The following LMNTD1 variants were observed in gnomAD, a reference collection of about 807,000 sequenced individuals.
LMNTD1 encodes lamin tail domain containing 1.
In LMNTD1, 35 loss-of-function variants were observed where a neutral mutation model predicts 50.9. That is an observed-to-expected ratio of 0.69 (90% CI 0.53 to 0.91). The LOEUF (loss-of-function observed/expected upper bound fraction) is 0.91. Ranked by LOEUF, LMNTD1 falls within the 40% of genes least tolerant of loss-of-function variation. The pLI is 0.00. For synonymous variants in LMNTD1, 153 were observed against 161.9 expected, an observed-to-expected ratio of 0.94 and a Z score of 0.42; for missense variants, 470 against 475.5, an observed-to-expected ratio of 0.99 and a Z score of 0.11.
At chr12:25,646,547 G>C (rs879821232) in intron 1 of LMNTD1, among the ~76,000 whole-genome samples, 1 of 152,088 alleles carries the variant, frequency 6.6e-6, no homozygotes, top group Admixed American at 6.5e-5. Flanking sequence ...TGGGTCAAGA[G>C]GGGTGATGTC....
intron 4 of LMNTD1, among the ~76,000 whole-genome samples, chr12:25,536,321 G>T (rs1316435477): frequency 1.3e-5 from 2 of 152,014 alleles, no homozygotes; most frequent in Non-Finnish European, 2.9e-5. Flanking sequence ...TAATATCCTG[G>T]CTATAAAAGA....
intron 1 of LMNTD1, among the ~76,000 whole-genome samples, chr12:25,623,566 A>C (rs1946523113): frequency 6.7e-6 from 1 of 150,270 alleles, no homozygotes; most frequent in African/African-American, 2.4e-5. Context: ...AAAAAAAAAA[A>C]AAAAAAAAAA....
At chr12:25,606,673 G>A (rs1468799671) in intron 1 of LMNTD1, among the ~76,000 whole-genome samples, 1 of 152,172 alleles carries the variant, frequency 6.6e-6, no homozygotes, top group Non-Finnish European at 1.5e-5. Context: ...TGCATCCCAG[G>A]AATGAAGCCC....
At chr12:25,515,373 C>T (rs560427740) in intron 8 of LMNTD1, among the ~76,000 whole-genome samples, 26 of 152,018 alleles carry the variant, frequency 1.7e-4, no homozygotes, top group African/African-American at 4.8e-5. Context: ...CCCCAAATTA[C>T]AGTAAGTCAA....
chr12:25,600,722 G>A (rs562013547), intron 1 of LMNTD1, among the ~76,000 whole-genome samples: 2 of 152,084 alleles, frequency 1.3e-5, no homozygotes, highest in Admixed American at 6.6e-5. Flanking sequence ...GCTCATCAGA[G>A]GAATGAAAAT....
chr12:25,607,849 T>C (rs1415342764), intron 1 of LMNTD1, among the ~76,000 whole-genome samples: 2 of 152,220 alleles, frequency 1.3e-5, no homozygotes, highest in African/African-American at 4.8e-5. Flanking sequence ...GTCTATTAGG[T>C]CCACTTGGTG....
chr12:25,603,323 G>A (rs1395047658), intron 1 of LMNTD1, among the ~76,000 whole-genome samples: 1 of 152,040 alleles, frequency 6.6e-6, no homozygotes, highest in Non-Finnish European at 1.5e-5. Context: ...GGATCTCACT[G>A]TGTTGCCCAG....
chr12:25,635,579 C>G (rs1946814404), intron 1 of LMNTD1, among the ~76,000 whole-genome samples: 1 of 152,106 alleles, frequency 6.6e-6, no homozygotes, highest in Non-Finnish European at 1.5e-5. Context: ...TCTACAAATT[C>G]AAGGCAATTC....
intron 8 of LMNTD1, among the ~76,000 whole-genome samples, chr12:25,515,408 T>C (rs181001439): frequency 6.6e-6 from 1 of 151,976 alleles, no homozygotes; most frequent in Non-Finnish European, 1.5e-5. Flanking sequence ...TTTAGCATGA[T>C]GCCATTTATG....
intron 1 of LMNTD1, among the ~76,000 whole-genome samples, chr12:25,619,700 A>G (rs766780888): frequency 1.2e-4 from 18 of 152,224 alleles, no homozygotes; most frequent in Non-Finnish European, 2.4e-4. Context: ...CTCCGTGGGC[A>G]GGACGGCAGG....
chr12:25,528,328 C>T (rs1046605697), intron 4 of LMNTD1, among the ~76,000 whole-genome samples: 3 of 152,136 alleles, frequency 2.0e-5, no homozygotes, highest in African/African-American at 7.2e-5. Context: ...CAAGGTCACT[C>T]AATAAATGTT....
chr12:25,546,003 TA>T lies in LMNTD1; in HGVS notation c.491+370del, dbSNP rs368933342. 7.2e-3 allele frequency among the ~76,000 whole-genome samples: 1,087 copies of T among 151,816 alleles called. 3 individuals are homozygous for T. Among genetic ancestry groups the T allele is most frequent in the Admixed American group, 0.011 (170 of 15,236 alleles). ...CAGTCATAAAAATGGATCAATGAAGTAAAAATTTATCTTTCTCCTTCTGTCT... is the reference window on the plus strand; with the variant it reads ...CAGTCATAAAAATGGATCAATGAAGTAAAATTTATCTTTCTCCTTCTGTCT... On this transcript the variant is annotated intron_variant, in intron 4 of 9. Transcript: ENST00000458174.
intron 1 of LMNTD1, among the ~76,000 whole-genome samples, chr12:25,594,303 C>A (rs1945786177): frequency 6.6e-6 from 1 of 152,146 alleles, no homozygotes; most frequent in Non-Finnish European, 1.5e-5. Context: ...ATCTTAAGAG[C>A]TGTGAGGCAA....
At chr12:25,542,015 C>A (rs1591966652) in intron 4 of LMNTD1, among the ~76,000 whole-genome samples, 1 of 151,976 alleles carries the variant, frequency 6.6e-6, no homozygotes, top group Admixed American at 6.6e-5. Context: ...ATCAAAACCA[C>A]AATGAGATAC....
intron 9 of LMNTD1, among the ~76,000 whole-genome samples, chr12:25,481,792 T>A (rs1591815068): frequency 1.3e-5 from 2 of 150,510 alleles, no homozygotes; most frequent in South Asian, 4.2e-4. Flanking sequence ...AGCACTCAGG[T>A]TCTTTCAAAT....
intron 6 of LMNTD1, among the ~76,000 whole-genome samples, chr12:25,521,763 G>A (rs796182755): frequency 2.6e-5 from 4 of 152,276 alleles, no homozygotes; most frequent in African/African-American, 9.6e-5. Context: ...TATCTGAGAT[G>A]GGAAAATGGA....
At chr12:25,511,850 C>A (rs1021257604) in intron 8 of LMNTD1, among the ~76,000 whole-genome samples, 1 of 152,068 alleles carries the variant, frequency 6.6e-6, no homozygotes, top group Non-Finnish European at 1.5e-5. Flanking sequence ...TCACTGAACC[C>A]AAAGTTTATT....
At chr12:25,484,683 T>G (rs1335385214) in intron 9 of LMNTD1, among the ~76,000 whole-genome samples, 15 of 124,468 alleles carry the variant, frequency 1.2e-4, no homozygotes, top group African/African-American at 4.7e-4. Context: ...GTCCCCAGAG[T>G]GTGATATTCC....
Position 25,536,875 on chromosome 12 carries a change from G to T in LMNTD1, c.491+9499C>A, listed in dbSNP as rs201559173. The stretch of plus-strand genomic sequence containing the variant: ...GCGCAGGTCAGTGGGTGCACGCACC[G>T]TGCGCGAGCCGAAGCAGGGCGAGGC... On this transcript the variant is annotated intron_variant, in intron 4 of 9. Coordinates refer to ENST00000458174, the MANE Select transcript of LMNTD1 (RefSeq NM_001145728.2). 1.5e-3 allele frequency among the ~76,000 whole-genome samples: 193 copies of T among 132,758 alleles called. 3 individuals are homozygous for T. The East Asian group carries it at 0.039, about 27-fold the overall frequency. The allele number at this position is 132,758 out of a possible 152,430, so 87.1% of individuals were successfully genotyped here.
Sources: allele counts gnomAD v4.1 joint callset (sites outside exome capture counted in the v4.1 genomes callset), GRCh38; gene constraint gnomAD v4.1.1; transcripts MANE v1.5; gene names NCBI Gene and HGNC (gene_info 2026-07-23, HGNC 2026-07-21).